Variants in CNTNAP2 observed in about 807,000 individuals in gnomAD.
CNTNAP2 encodes the protein contactin associated protein 2, also known as contactin-associated protein-like 2.
CNTNAP2 carries 98 observed loss-of-function variants against 155.2 expected under a neutral mutation model. The observed-to-expected ratio is 0.63, with a 90% CI of 0.54 to 0.75. CNTNAP2 has a LOEUF of 0.75. Among genes scored for constraint, CNTNAP2 ranks in the 30% least tolerant of loss-of-function variants. The probability of loss-of-function intolerance (pLI) is 0.00; values close to 1 mark genes in which losing one functional copy is unlikely to be tolerated. For synonymous variants in CNTNAP2, 651 were observed against 631.2 expected (o/e 1.03, Z -0.47); for missense variants, 1,727 against 1,688.1 (o/e 1.02, Z -0.40).
At chr7:146,920,187 G>A (rs1304091300) in intron 3 of CNTNAP2, among the ~76,000 whole-genome samples, 1 of 152,124 alleles carries the variant, frequency 6.6e-6, no homozygotes, top group Non-Finnish European at 1.5e-5. Context: ...GCCGAGGAGA[G>A]CAGATCACCT....
At chr7:146,923,616 GGCTGTTTTACCT>G (rs1311084551) in intron 3 of CNTNAP2, among the ~76,000 whole-genome samples, 1 of 152,112 alleles carries the variant, frequency 6.6e-6, no homozygotes, top group Non-Finnish European at 1.5e-5. Flanking sequence ...ACTCTTTAGT[GGCTGTTTTACCT>G]GCTTCCAACA....
chr7:146,908,017 C>T (rs1197285234), intron 3 of CNTNAP2, among the ~76,000 whole-genome samples: 4 of 152,072 alleles, frequency 2.6e-5, no homozygotes, highest in African/African-American at 7.2e-5. Flanking sequence ...TCTGATAAAA[C>T]AGACTTTAAA....
chr7:146,931,030 G>C (rs1238928371), intron 3 of CNTNAP2, among the ~76,000 whole-genome samples: 3 of 151,968 alleles, frequency 2.0e-5, no homozygotes, highest in Non-Finnish European at 4.4e-5. Context: ...AGATCAACGA[G>C]ACAGAAAGTT....
intron 3 of CNTNAP2, among the ~76,000 whole-genome samples, chr7:146,937,875 A>G (rs1796956500): frequency 6.6e-6 from 1 of 152,228 alleles, no homozygotes; most frequent in Non-Finnish European, 1.5e-5. Flanking sequence ...GTAGAAGCTT[A>G]GGGTTGTTTA....
intron 16 of CNTNAP2, among the ~76,000 whole-genome samples, chr7:148,146,792 C>T (rs1299334905): frequency 6.6e-6 from 1 of 152,098 alleles, no homozygotes; most frequent in African/African-American, 2.4e-5. Context: ...ATTACACCAA[C>T]AATAGGTCAC....
At chr7:147,430,737 A>C (rs1243089744) in intron 10 of CNTNAP2, among the ~76,000 whole-genome samples, 1 of 152,122 alleles carries the variant, frequency 6.6e-6, no homozygotes, top group Non-Finnish European at 1.5e-5. Context: ...GGTGCAGAGA[A>C]ACATTCCCAG....
intron 1 of CNTNAP2, among the ~76,000 whole-genome samples, chr7:146,762,456 G>A (rs556082483): frequency 7.6e-4 from 116 of 152,070 alleles, no homozygotes; most frequent in Admixed American, 2.1e-3. Flanking sequence ...AAAATTAGCC[G>A]GACGTGGTGG....
intron 14 of CNTNAP2, among the ~76,000 whole-genome samples, chr7:147,970,717 A>G (rs1430417182): frequency 2.0e-5 from 3 of 152,210 alleles, no homozygotes; most frequent in African/African-American, 7.2e-5. Flanking sequence ...GAATATTACA[A>G]TGATGAATGT....
In CNTNAP2 at chr7:147,447,482, C is replaced by T. The variant is rs976618925; in HGVS notation, c.1671-38453C>T. Among the ~76,000 whole-genome samples, 7 of 152,252 alleles carry T rather than the reference C, an allele frequency of 4.6e-5. No homozygotes were observed. In the South Asian group the frequency reaches 6.2e-4, roughly 14 times the overall value. ...CCAGGCTGGAGTGCGGTGGCACAAT[C>T]GTGGCTCACTGCAACCTCCGCCTCC... On this transcript the variant is annotated intron_variant, in intron 10 of 23. Coordinates refer to ENST00000361727, the MANE Select transcript of CNTNAP2 (RefSeq NM_014141.6).
At chr7:147,964,858 A>C (rs773719827) in intron 14 of CNTNAP2, among the ~76,000 whole-genome samples, 4 of 152,190 alleles carry the variant, frequency 2.6e-5, no homozygotes, top group Non-Finnish European at 4.4e-5. Context: ...CTGAAGTTTT[A>C]GAATGTCCCT....
At position 146,604,748 on chromosome 7, in the gene CNTNAP2, A is replaced by G. The variant is rs566536585; in HGVS notation, c.98-169523A>G. ...ACCATGGAATACTATGCAGCCATAA[A>G]AAATGATGAGTTCATGTCCTTTGTA... On this transcript the variant is annotated intron_variant, in intron 1 of 23. Transcript: ENST00000361727. 5.1e-3 allele frequency among the ~76,000 whole-genome samples: 715 copies of G among 141,520 alleles called. 8 individuals are homozygous for G. The highest frequency in any genetic ancestry group is 0.017 in the African/African-American group (656 of 39,330). The allele number at this position is 141,520 out of a possible 152,430, so 92.8% of individuals were successfully genotyped here.
At chr7:146,812,839 C>T (rs919066321) in intron 2 of CNTNAP2, among the ~76,000 whole-genome samples, 8 of 152,206 alleles carry the variant, frequency 5.3e-5, no homozygotes, top group Non-Finnish European at 1.2e-4. Flanking sequence ...CCCAGGGTCC[C>T]CCTGCTCTGT....
intron 12 of CNTNAP2, among the ~76,000 whole-genome samples, chr7:147,600,523 A>G (rs1800923449): frequency 6.6e-6 from 1 of 152,202 alleles, no homozygotes; most frequent in Non-Finnish European, 1.5e-5. Context: ...GTGAAATATT[A>G]TTCTTCCTTT....
chr7:147,380,680 A>G (rs1796520190), intron 9 of CNTNAP2, among the ~76,000 whole-genome samples: 1 of 152,130 alleles, frequency 6.6e-6, no homozygotes, highest in African/African-American at 2.4e-5. Context: ...GAGCCTCACA[A>G]TCTGGCTTTG....
intron 10 of CNTNAP2, among the ~76,000 whole-genome samples, chr7:147,421,100 C>T (rs1057313672): frequency 4.6e-5 from 7 of 152,188 alleles, no homozygotes; most frequent in African/African-American, 1.4e-4. Flanking sequence ...GACCTTTATG[C>T]ATTACATATT....
chr7:148,371,152 A>G (rs1798880084), intron 21 of CNTNAP2, among the ~76,000 whole-genome samples: 1 of 152,142 alleles, frequency 6.6e-6, no homozygotes, highest in Non-Finnish European at 1.5e-5. Flanking sequence ...CCTAAATCCC[A>G]AATAATTAAC....
At chr7:147,384,483 G>C (rs1796594690) in intron 9 of CNTNAP2, among the ~76,000 whole-genome samples, 1 of 152,134 alleles carries the variant, frequency 6.6e-6, no homozygotes, top group African/African-American at 2.4e-5. Context: ...AGAATATTCA[G>C]AGTCTTTGAA....
At chr7:146,344,141 T>C (rs960126375) in intron 1 of CNTNAP2, among the ~76,000 whole-genome samples, 6 of 152,196 alleles carry the variant, frequency 3.9e-5, no homozygotes, top group Non-Finnish European at 8.8e-5. Context: ...TTTGTTGCAA[T>C]GATTCTTCAC....
chr7:147,363,965 G>C (rs1296018144), intron 9 of CNTNAP2, among the ~76,000 whole-genome samples: 1 of 152,270 alleles, frequency 6.6e-6, no homozygotes, highest in East Asian at 1.9e-4. Context: ...GCGTATGCTA[G>C]TTTGACCCCT....
Sources: gnomAD v4.1 joint callset for allele counts (sites outside exome capture counted in the v4.1 genomes callset) on GRCh38, gnomAD v4.1.1 for gene constraint, MANE v1.5 for transcripts, NCBI Gene and HGNC (gene_info 2026-07-23, HGNC 2026-07-21) for gene names.